PRKG1: variants seen among roughly 807,000 people sequenced by gnomAD.
The protein encoded by PRKG1 is cGMP-dependent protein kinase 1.
Under a neutral mutation model 88.1 loss-of-function variants are expected in PRKG1, and 35 were observed. The ratio of observed to expected loss-of-function variants is 0.40; its 90% CI spans 0.30 to 0.53. PRKG1 has a LOEUF of 0.53. PRKG1 is among the 20% of genes least tolerant of loss of function. The pLI is 0.59. For synonymous variants in PRKG1, 303 were observed against 292.5 expected, an observed-to-expected ratio of 1.04 and a Z score of -0.37; for missense variants, 540 against 839.8, an observed-to-expected ratio of 0.64 and a Z score of 4.41.
chr10:51,766,387 A>G (rs1838164320), intron 3 of PRKG1, among the ~76,000 whole-genome samples: 1 of 151,994 alleles, frequency 6.6e-6, no homozygotes, highest in Admixed American at 6.6e-5. Context: ...GTTTTAGGGG[A>G]CAGAATTTTC....
At chr10:52,027,819 C>T (rs777581678) in intron 5 of PRKG1, among the ~76,000 whole-genome samples, 4 of 152,018 alleles carry the variant, frequency 2.6e-5, no homozygotes, top group African/African-American at 4.8e-5. Flanking sequence ...GACAGAGTCT[C>T]GCTTTGTTGC....
chr10:51,742,058 G>A (rs1837448615), intron 3 of PRKG1, among the ~76,000 whole-genome samples: 1 of 152,214 alleles, frequency 6.6e-6, no homozygotes, highest in African/African-American at 2.4e-5. Flanking sequence ...GCATTTGTCT[G>A]TGGCATTATT....
chr10:51,777,162 A>G (rs560231542), intron 3 of PRKG1, among the ~76,000 whole-genome samples: 3 of 152,280 alleles, frequency 2.0e-5, no homozygotes, highest in African/African-American at 7.2e-5. Context: ...TAAGATAGTG[A>G]TAAGTACCTG....
rs1564589622 is a variant in PRKG1, at chr10:51,074,792, T to A, written c.202T>A (p.Leu68Met). ...GGCGCAGAAGCAGAGCGCGAGCACC[T>A]TGCAGGGCGAGCCGCGCACCAAGCG... Reference protein sequence around the residue: ...QQAQKQSASTLQGEPRTKRQA... With the variant: ...QQAQKQSASTMQGEPRTKRQA... Residue 68 changes from leucine to methionine, a missense_variant, in exon 1 of 18, where the codon TTG (leucine) becomes ATG (methionine). Physicochemically the swap from Leu to Met is conservative, Grantham distance 15 (BLOSUM62 2). Coordinates refer to ENST00000373980, the MANE Select transcript of PRKG1 (RefSeq NM_006258.4). The A allele has an allele frequency of 6.2e-7, 1 of 1,613,780 alleles. No homozygotes were observed. The highest frequency in any genetic ancestry group is 8.5e-7 in the Non-Finnish European group (1 of 1,179,922).
At chr10:51,705,226 T>C (rs916372192) in intron 3 of PRKG1, among the ~76,000 whole-genome samples, 4 of 152,306 alleles carry the variant, frequency 2.6e-5, no homozygotes, top group Admixed American at 2.6e-4. Flanking sequence ...CCTCAAAGAC[T>C]TCCATTTAGA....
rs972108966 is a variant in PRKG1 at position 52,021,766 on chromosome 10, C to G, written c.763-32718C>G. 3.9e-5 allele frequency among the ~76,000 whole-genome samples: 6 copies of G among 152,056 alleles called. No individual in the cohort carries two copies. In the East Asian group the frequency reaches 1.2e-3, roughly 29 times the overall value. On this transcript the variant is annotated intron_variant, in intron 5 of 17. Coordinates refer to ENST00000373980, the MANE Select transcript of PRKG1 (RefSeq NM_006258.4). ...TGTTGACGATGAAAAAATAAAGAGA[C>G]TCTCCAGGTAATTATTCAAGTATAT... is the stretch of plus-strand genomic sequence containing the variant.
rs1842351469 is a variant in PRKG1, at chr10:52,294,983, C to G, written c.*1083C>G. The G allele has an allele frequency of 6.6e-6, 1 of 152,556 alleles. No individual in the cohort carries two copies. Among genetic ancestry groups the G allele is most frequent in the South Asian group, 2.1e-4 (1 of 4,832 alleles). 9.5% of individuals were successfully genotyped at this position (152,556 alleles called of 1,614,324 possible). On this transcript the variant is annotated 3_prime_UTR_variant, in exon 18 of 18. Coordinates refer to ENST00000373980, the MANE Select transcript of PRKG1 (RefSeq NM_006258.4). ...TTCACTAAAGTTATTAAACCAAACTCCTGTCCAATTTCACTTATACAACAT... is the reference window on the plus strand; with the variant it reads ...TTCACTAAAGTTATTAAACCAAACTGCTGTCCAATTTCACTTATACAACAT...
chr10:51,115,386 A>ATATATAT lies in PRKG1; in HGVS notation c.312-37778_312-37777insTATATAT, dbSNP rs1465710988. On this transcript the variant is annotated intron_variant, in intron 1 of 17. Coordinates refer to ENST00000373980, the MANE Select transcript of PRKG1 (RefSeq NM_006258.4). ...GTTCCTTTAAACATATATATATATA[A>ATATATAT]AACAAATGTGAAAGGGGGAGAGACA... 3.2e-3 allele frequency among the ~76,000 whole-genome samples: 225 copies of ATATATAT among 70,428 alleles called. 33 individuals carry two copies. The highest frequency in any genetic ancestry group is 5.0e-3 in the Non-Finnish European group (185 of 37,106). The allele number at this position is 70,428 out of a possible 152,430, so 46.2% of individuals were successfully genotyped here.
chr10:51,943,520 C>T lies in PRKG1; in HGVS notation c.762+35950C>T, dbSNP rs1842956514. 2.0e-5 allele frequency among the ~76,000 whole-genome samples: 3 copies of T among 152,152 alleles called. No individual in the cohort carries two copies. In the South Asian group the frequency reaches 6.2e-4, roughly 32 times the overall value. On this transcript the variant is annotated intron_variant, in intron 5 of 17. Transcript: ENST00000373980. ...ATGGGAGTGGTGAGAGAGGGCATCC[C>T]TGTCTTATGCCAGTTTTCAAAGGGA...
At chr10:51,382,104 A>G (rs1316774626) in intron 2 of PRKG1, among the ~76,000 whole-genome samples, 3 of 152,172 alleles carry the variant, frequency 2.0e-5, no homozygotes, top group African/African-American at 7.2e-5. Context: ...GATTTCAAAC[A>G]TCATTATTTG....
intron 2 of PRKG1, among the ~76,000 whole-genome samples, chr10:51,226,980 C>G (rs1028959517): frequency 6.6e-6 from 1 of 152,080 alleles, no homozygotes; most frequent in Non-Finnish European, 1.5e-5. Flanking sequence ...ACATTTTCCA[C>G]TAGGCATTCA....
intron 2 of PRKG1, among the ~76,000 whole-genome samples, chr10:51,423,325 G>T (rs1037552721): frequency 6.6e-6 from 1 of 152,082 alleles, no homozygotes; most frequent in Non-Finnish European, 1.5e-5. Flanking sequence ...TCTTGCACTT[G>T]CAATTGCGTA....
rs559811805 is a variant in PRKG1 at position 52,037,045 on chromosome 10, G to T, written c.763-17439G>T. On this transcript the variant is annotated intron_variant, in intron 5 of 17. Transcript: ENST00000373980. The stretch of plus-strand genomic sequence containing the variant: ...AGTGTCAGTCTTCAGCCGCTAAGCC[G>T]AGAAGATCTGGGAAGGAGTCAGTCA... 2.5e-4 allele frequency among the ~76,000 whole-genome samples: 38 copies of T among 152,396 alleles called. No homozygotes were observed. In the South Asian group the frequency reaches 6.4e-3, roughly 26 times the overall value.
intron 9 of PRKG1, among the ~76,000 whole-genome samples, chr10:52,203,291 C>T (rs1312830833): frequency 6.6e-6 from 1 of 152,114 alleles, no homozygotes; most frequent in Non-Finnish European, 1.5e-5. Flanking sequence ...AAATCAGGAG[C>T]ATGTTGTTTA....
At chr10:51,608,809 G>A (rs886956046) in intron 3 of PRKG1, among the ~76,000 whole-genome samples, 8 of 152,018 alleles carry the variant, frequency 5.3e-5, no homozygotes, top group Admixed American at 1.3e-4. Context: ...TCTTACTGCC[G>A]GGTGACATCT....
intron 3 of PRKG1, among the ~76,000 whole-genome samples, chr10:51,588,878 G>C (rs2132203019): frequency 6.6e-6 from 1 of 151,752 alleles, no homozygotes; most frequent in South Asian, 2.1e-4. Context: ...TTTGATAGTA[G>C]TCCAAGAATA....
At chr10:51,774,666 A>G (rs1448214507) in intron 3 of PRKG1, among the ~76,000 whole-genome samples, 1 of 152,148 alleles carries the variant, frequency 6.6e-6, no homozygotes, top group East Asian at 1.9e-4. Context: ...TGAATTTAAA[A>G]ATATTATTCA....
chr10:51,774,770 T>C (rs1328263254), intron 3 of PRKG1, among the ~76,000 whole-genome samples: 2 of 152,222 alleles, frequency 1.3e-5, no homozygotes, highest in Non-Finnish European at 2.9e-5. Flanking sequence ...AGAAGTACTT[T>C]CATGAAGAAA....
intron 4 of PRKG1, among the ~76,000 whole-genome samples, chr10:51,877,641 C>T (rs961673875): frequency 6.6e-6 from 1 of 152,212 alleles, no homozygotes; most frequent in Non-Finnish European, 1.5e-5. Flanking sequence ...AACCACCGAA[C>T]ATCTTTCCAT....
Sources: gnomAD v4.1 joint callset for allele counts (sites outside exome capture counted in the v4.1 genomes callset) on GRCh38, gnomAD v4.1.1 for gene constraint, MANE v1.5 for transcripts, NCBI Gene and HGNC (gene_info 2026-07-23, HGNC 2026-07-21) for gene names.